Variants in NDUFB5 observed in about 807,000 individuals in gnomAD.
NDUFB5 encodes NADH:ubiquinone oxidoreductase subunit B5.
Under a neutral mutation model 19.4 loss-of-function variants are expected in NDUFB5, and 19 were observed. The ratio of observed to expected loss-of-function variants is 0.98; its 90% CI spans 0.68 to 1.43. The LOEUF is 1.43. Among genes scored for constraint, NDUFB5 ranks in the 40% most tolerant of loss-of-function variants. The pLI is 0.00. For synonymous variants in NDUFB5, 80 were observed against 82.6 expected (o/e 0.97, Z 0.17); for missense variants, 233 against 236.5 (o/e 0.99, Z 0.10).
At chr3:179,619,181 T>C (rs1249516949) in intron 5 of NDUFB5, among the ~76,000 whole-genome samples, 2 of 147,310 alleles carry the variant, frequency 1.4e-5, no homozygotes, top group African/African-American at 2.5e-5. Flanking sequence ...CCCTCTCTTA[T>C]GGTGCTGAGT....
intron 1 of NDUFB5, among the ~76,000 whole-genome samples, chr3:179,613,562 G>A (rs1719302411): frequency 1.3e-5 from 2 of 152,180 alleles, no homozygotes; most frequent in African/African-American, 4.8e-5. Context: ...CATCCAACCC[G>A]TTTTCTTCAT....
chr3:179,623,234 A>G (rs992998632), intron 5 of NDUFB5, among the ~76,000 whole-genome samples: 2 of 152,258 alleles, frequency 1.3e-5, no homozygotes, highest in Admixed American at 1.3e-4. Context: ...TGGCCATAGT[A>G]GTAGACATTC....
chr3:179,607,229 C>A (rs903669130), intron 1 of NDUFB5, among the ~76,000 whole-genome samples: 13 of 152,178 alleles, frequency 8.5e-5, no homozygotes, highest in Admixed American at 7.2e-4. Flanking sequence ...TACCTGCTTT[C>A]AAAGGTATTT....
intron 5 of NDUFB5, among the ~76,000 whole-genome samples, chr3:179,623,364 T>C (rs1178937618): frequency 1.3e-5 from 2 of 152,230 alleles, no homozygotes; most frequent in Admixed American, 1.3e-4. Flanking sequence ...ATTTGAGTAA[T>C]GTTTTGGTGT....
chr3:179,618,426 A>C lies in NDUFB5; in HGVS notation c.354A>C (p.Ser118=). 1 of 1,605,420 alleles carries C rather than the reference A, an allele frequency of 6.2e-7. No individual in the cohort carries two copies. The highest frequency in any genetic ancestry group is 8.5e-7 in the Non-Finnish European group (1 of 1,175,908). Residue 118 remains serine (S), a synonymous_variant, in exon 5 of 6, where the codon TCA becomes TCC. Transcript: ENST00000259037. ...EHWEYYKHPI[S]RWIARNFYDS... Reference sequence around the variant, plus strand: ...ATTTTCTCTTGTAGCATCCCATATCAAGATGGATTGCCCGTAATTTCTATG... The same window carrying C: ...ATTTTCTCTTGTAGCATCCCATATCCAGATGGATTGCCCGTAATTTCTATG...
rs200109027 is a variant in NDUFB5 at position 179,612,774 on chromosome 3, C to A, written c.125-2197C>A. Among the ~76,000 whole-genome samples the A allele has an allele frequency of 9.9e-5, 15 of 152,198 alleles. No individual in the cohort carries two copies. In the East Asian group the frequency reaches 2.9e-3, roughly 29 times the overall value. The stretch of plus-strand genomic sequence containing the variant: ...TACAGGCGTGAGCCGCCGCGCTCAG[C>A]CAAAAACCGCAATTACTTTCAGTTG... On this transcript the variant is annotated intron_variant, in intron 1 of 5. Coordinates refer to ENST00000259037, the MANE Select transcript of NDUFB5 (RefSeq NM_002492.4).
rs747564374 is a variant in NDUFB5 at position 179,623,951 on chromosome 3, C to G, written c.481C>G (p.His161Asp). ...VKELEVRKLM[H>D]VRGDGPWYYY... ...GGAGCTGGAAGTGCGAAAATTGATG[C>G]ATGTGAGAGGAGATGGACCCTGGTA... is the stretch of plus-strand genomic sequence containing the variant. The change falls in exon 6 of 6, where the codon CAT (histidine) becomes GAT (aspartate). Residue 161 changes from histidine to aspartate, a missense_variant. His to Asp is a moderately conservative substitution (Grantham distance 81). Transcript: ENST00000259037. 1.9e-6 allele frequency: 3 copies of G among 1,613,558 alleles called. No individual in the cohort carries two copies. Among genetic ancestry groups the G allele is most frequent in the Admixed American group, 1.7e-5 (1 of 59,966 alleles).
Position 179,618,506 on chromosome 3 carries a change from A to G in NDUFB5, c.434A>G (p.Glu145Gly). ...ATGGCCGTCCTTCAGATTGAAGCTG[A>G]AAAGGCTGAATTACGGTAGGAAAAA... ...RTMAVLQIEA[E>G]KAELRVKELE... The change falls in exon 5 of 6, where the codon GAA becomes GGA. Residue 145 changes from glutamate to glycine, a missense_variant. By Grantham distance (98) the Glu-to-Gly change is moderately conservative. Transcript: ENST00000259037. 3 of 1,611,278 alleles carry G rather than the reference A, an allele frequency of 1.9e-6. No homozygotes were observed. Among genetic ancestry groups the G allele is most frequent in the Non-Finnish European group, 2.5e-6 (3 of 1,178,608 alleles).
At chr3:179,615,120 C>T in intron 2 of NDUFB5, 61 bp downstream of exon 2, 4 of 1,001,146 alleles carry the variant, frequency 4.0e-6, no homozygotes, top group Non-Finnish European at 6.0e-6. Flanking sequence ...AAATTTTTGC[C>T]TCTTTAGAAA....
intron 3 of NDUFB5, 82 bp downstream of exon 3, chr3:179,616,131 A>G (rs1416188370): frequency 3.1e-6 from 3 of 969,158 alleles, no homozygotes; most frequent in African/African-American, 3.4e-5. Context: ...AAAAGAAATT[A>G]TGGATATTGT....
chr3:179,619,703 G>T (rs1719478273), intron 5 of NDUFB5, among the ~76,000 whole-genome samples: 1 of 152,046 alleles, frequency 6.6e-6, no homozygotes. Flanking sequence ...TAATCCTTTG[G>T]GTATATACCC....
intron 1 of NDUFB5, among the ~76,000 whole-genome samples, chr3:179,612,213 G>A (rs1207046493): frequency 6.6e-6 from 1 of 151,746 alleles, no homozygotes; most frequent in Non-Finnish European, 1.5e-5. Flanking sequence ...GTTGGTTGTG[G>A]TGGTGCGTGA....
At chr3:179,612,716 G>C (rs1180597732) in intron 1 of NDUFB5, among the ~76,000 whole-genome samples, 1 of 151,748 alleles carries the variant, frequency 6.6e-6, no homozygotes, top group African/African-American at 2.4e-5. Flanking sequence ...GATCTCGTGA[G>C]CCGCCCGCCT....
At chr3:179,605,055 G>T in intron 1 of NDUFB5, 116 bp downstream of exon 1, 1 of 1,374,288 alleles carries the variant, frequency 7.3e-7, no homozygotes, top group Non-Finnish European at 9.5e-7. Context: ...TTGTGGGCTT[G>T]GGGCTTGACA....
intron 1 of NDUFB5, among the ~76,000 whole-genome samples, chr3:179,608,281 T>A (rs1050705030): frequency 9.2e-5 from 14 of 151,974 alleles, no homozygotes; most frequent in African/African-American, 3.1e-4. Flanking sequence ...CATCTCTGCC[T>A]CCTGGGTTCA....
At position 179,604,911 on chromosome 3, in the gene NDUFB5, C is replaced by T. The variant is rs1719038174; in HGVS notation, c.96C>T (p.Phe32=). 1 of 1,589,674 alleles carries T rather than the reference C, an allele frequency of 6.3e-7. No homozygotes were observed. The highest frequency in any genetic ancestry group is 8.5e-7 in the Non-Finnish European group (1 of 1,172,718). The change falls in exon 1 of 6, where the codon TTC becomes TTT. Residue 32 remains phenylalanine (F), a synonymous_variant. Transcript: ENST00000259037. ...PLGTRLGFGG[F]LTRGFPKAAA... is the part of the protein sequence containing the mutation. ...GCACTCGCCTCGGATTTGGGGGCTT[C>T]CTCACTCGTGGCTTTCCGAAGGCTG...
At chr3:179,620,025 G>A (rs1378048920) in intron 5 of NDUFB5, among the ~76,000 whole-genome samples, 2 of 152,066 alleles carry the variant, frequency 1.3e-5, no homozygotes, top group African/African-American at 4.8e-5. Flanking sequence ...CATATCCTTT[G>A]CCCACTTTTT....
At chr3:179,617,500 T>A (rs1403822609) in intron 4 of NDUFB5, 1 of 152,338 alleles carries the variant, frequency 6.6e-6, no homozygotes, top group Non-Finnish European at 1.5e-5. Flanking sequence ...ATACTTTTTA[T>A]AAACAACGAA....
chr3:179,605,074 G>A, intron 1 of NDUFB5, 135 bp downstream of exon 1: 1 of 1,284,396 alleles, frequency 7.8e-7, no homozygotes, highest in Non-Finnish European at 1.0e-6. Flanking sequence ...CAGGAGAGAC[G>A]GAGCACGAGC....
Sources: gnomAD v4.1 joint callset for allele counts (sites outside exome capture counted in the v4.1 genomes callset) on GRCh38, gnomAD v4.1.1 for gene constraint, MANE v1.5 for transcripts, NCBI Gene and HGNC (gene_info 2026-07-23, HGNC 2026-07-21) for gene names.